The following GRHL2 variants were observed in gnomAD, a reference collection of about 807,000 sequenced individuals.
GRHL2 encodes the protein grainyhead-like protein 2 homolog.
GRHL2 carries 21 observed loss-of-function variants against 83.8 expected under a neutral mutation model. That is an observed-to-expected ratio of 0.25 (90% CI 0.18 to 0.36). The LOEUF (loss-of-function observed/expected upper bound fraction) is 0.36, where lower values mean the gene tolerates loss of function less well. Ranked by LOEUF, GRHL2 falls within the 10% of genes least tolerant of loss-of-function variation. GRHL2 has a pLI of 1.00. For synonymous variants in GRHL2, 280 were observed against 278.9 expected, an observed-to-expected ratio of 1.00 and a Z score of -0.04; for missense variants, 623 against 781.8, an observed-to-expected ratio of 0.80 and a Z score of 2.42.
At chr8:101,559,064 A>AT (rs1479918419) in intron 4 of GRHL2, among the ~76,000 whole-genome samples, 1 of 152,028 alleles carries the variant, frequency 6.6e-6, no homozygotes, top group African/African-American at 2.4e-5. Flanking sequence ...CTTTGTTTTC[A>AT]TTTTAGTCTT....
At chr8:101,661,647 C>CTGAT (rs1326177877) in intron 14 of GRHL2, among the ~76,000 whole-genome samples, 1 of 152,148 alleles carries the variant, frequency 6.6e-6, no homozygotes, top group African/African-American at 2.4e-5. Context: ...CAATCCATGG[C>CTGAT]TGATTGAATC....
At chr8:101,606,748 T>C (rs1001233445) in intron 8 of GRHL2, among the ~76,000 whole-genome samples, 9 of 152,128 alleles carry the variant, frequency 5.9e-5, no homozygotes, top group Admixed American at 2.6e-4. Context: ...CTCTTCCTTC[T>C]CTCACTTCCT....
At chr8:101,672,551 A>G (rs1378191858), downstream of GRHL2, among the ~76,000 whole-genome samples, 1 of 151,774 alleles carries the variant, frequency 6.6e-6, no homozygotes, top group Non-Finnish European at 1.5e-5. Flanking sequence ...ATATGGGACT[A>G]TGTGAAAAGA....
chr8:101,563,453 C>G (rs1469248583), intron 4 of GRHL2, among the ~76,000 whole-genome samples: 2 of 151,958 alleles, frequency 1.3e-5, no homozygotes, highest in African/African-American at 4.8e-5. Flanking sequence ...CTGTTGTATA[C>G]TAGGACATAG....
chr8:101,628,417 GA>G (rs899793116), intron 9 of GRHL2, among the ~76,000 whole-genome samples: 7 of 151,798 alleles, frequency 4.6e-5, no homozygotes, highest in African/African-American at 1.7e-4. Flanking sequence ...CACTGCTCAG[GA>G]AAAAAAGATC....
At chr8:101,532,970 C>T (rs554391869) in intron 1 of GRHL2, among the ~76,000 whole-genome samples, 15 of 152,050 alleles carry the variant, frequency 9.9e-5, no homozygotes, top group African/African-American at 3.6e-4. Context: ...CTTTTTGCCC[C>T]AAGTCAAGTC....
chr8:101,501,040 T>C (rs1368085980), intron 1 of GRHL2, among the ~76,000 whole-genome samples: 1 of 152,198 alleles, frequency 6.6e-6, no homozygotes, highest in Non-Finnish European at 1.5e-5. Flanking sequence ...CCACATACAA[T>C]ACTAATCAAA....
chr8:101,522,860 G>T (rs528678402), intron 1 of GRHL2, among the ~76,000 whole-genome samples: 2 of 150,680 alleles, frequency 1.3e-5, no homozygotes, highest in South Asian at 4.2e-4. Context: ...TTCTAAATAG[G>T]CCTTCTGTTC....
intron 13 of GRHL2, among the ~76,000 whole-genome samples, chr8:101,647,398 G>A (rs1813533257): frequency 7.8e-6 from 1 of 128,800 alleles, no homozygotes; most frequent in African/African-American, 3.5e-5. Context: ...TCAGCCTGCT[G>A]GAAATTCCTT....
intron 8 of GRHL2, among the ~76,000 whole-genome samples, chr8:101,607,396 C>A (rs4734551): frequency 0.51 from 77,384 of 152,068 alleles, 21,601 homozygotes; most frequent in African/African-American, 0.74. Flanking sequence ...CCTGTGGGTT[C>A]ATGACCTTGC....
At position 101,548,358 on chromosome 8, in the gene GRHL2, A is replaced by G. The variant is rs958683345; in HGVS notation, c.217-4357A>G. ...CTATAACCATGGTTTATGGAGGTCA[A>G]TGCTCAAAAAGGGGCATGTTCCAAG... On this transcript the variant is annotated intron_variant, in intron 2 of 15. Coordinates refer to ENST00000646743, the MANE Select transcript of GRHL2 (RefSeq NM_024915.4). 1.4e-4 allele frequency among the ~76,000 whole-genome samples: 21 copies of G among 152,228 alleles called. 1 individual carries two copies. Among genetic ancestry groups the G allele is most frequent in the African/African-American group, 4.6e-4 (19 of 41,462 alleles).
chr8:101,567,252 T>C (rs892185736), intron 4 of GRHL2, among the ~76,000 whole-genome samples: 1 of 152,230 alleles, frequency 6.6e-6, no homozygotes, highest in Non-Finnish European at 1.5e-5. Flanking sequence ...CATACCTTCT[T>C]TACTATCATT....
At chr8:101,632,393 C>G (rs771153429) in intron 11 of GRHL2, 28 bp downstream of exon 11, 1 of 1,613,578 alleles carries the variant, frequency 6.2e-7, no homozygotes. Flanking sequence ...ACGCCCACCT[C>G]CCATCCATCC....
intron 9 of GRHL2, 62 bp downstream of exon 9, chr8:101,619,759 C>A: frequency 7.9e-7 from 1 of 1,271,304 alleles, no homozygotes; most frequent in Non-Finnish European, 1.1e-6. Context: ...CTTTTAATGG[C>A]ATTTCTTCCT....
chr8:101,513,159 C>T (rs75833591), intron 1 of GRHL2, among the ~76,000 whole-genome samples: 289 of 152,018 alleles, frequency 1.9e-3, no homozygotes, highest in African/African-American at 6.4e-3. Flanking sequence ...CTTACAGGGT[C>T]ATGTTGTTGT....
At chr8:101,528,871 G>A in intron 1 of GRHL2, 3 of 343,634 alleles carry the variant, frequency 8.7e-6, no homozygotes, top group Non-Finnish European at 1.1e-5. Flanking sequence ...GTTCATGATA[G>A]GTTTGTTGTT....
chr8:101,534,423 G>C (rs1024260502), intron 1 of GRHL2, among the ~76,000 whole-genome samples: 2 of 152,166 alleles, frequency 1.3e-5, no homozygotes, highest in African/African-American at 4.8e-5. Context: ...AGCACAAGGG[G>C]ATGGGGTGGG....
intron 1 of GRHL2, among the ~76,000 whole-genome samples, chr8:101,521,797 T>C: frequency 6.6e-6 from 1 of 152,190 alleles, no homozygotes; most frequent in Non-Finnish European, 1.5e-5. Flanking sequence ...GTTTTAAAAA[T>C]GTAATTTTTT....
chr8:101,614,141 T>G lies in GRHL2; in HGVS notation c.1099-5398T>G, dbSNP rs192798575. ...TTAATAAATCTTACTGTATGCATAA[T>G]GTACAACTGAGGGGTATTATAATTT... is the stretch of plus-strand genomic sequence containing the variant. On this transcript the variant is annotated intron_variant, in intron 8 of 15. Coordinates refer to ENST00000646743, the MANE Select transcript of GRHL2 (RefSeq NM_024915.4). Among the ~76,000 whole-genome samples the G allele has an allele frequency of 1.5e-3, 221 of 151,176 alleles. 2 individuals carry two copies. Among genetic ancestry groups the G allele is most frequent in the Non-Finnish European group, 2.5e-3 (167 of 68,012 alleles).
Sources: gnomAD v4.1 joint callset for allele counts (sites outside exome capture counted in the v4.1 genomes callset) on GRCh38, gnomAD v4.1.1 for gene constraint, MANE v1.5 for transcripts, NCBI Gene and HGNC (gene_info 2026-07-23, HGNC 2026-07-21) for gene names.